The following TRDN variants were observed in gnomAD, a reference collection of about 807,000 sequenced individuals.
TRDN encodes the protein triadin in skeletal muscle.
Under a neutral mutation model 149.7 loss-of-function variants are expected in TRDN, and 161 were observed. The observed-to-expected ratio is 1.08, with a 90% CI of 0.95 to 1.23. The LOEUF (loss-of-function observed/expected upper bound fraction) is 1.23, where lower values mean the gene tolerates loss of function less well. Among genes scored for constraint, TRDN ranks in the 50% most tolerant of loss-of-function variants. TRDN has a pLI of 0.00. For missense variants in TRDN, 896 were observed against 823.5 expected (o/e 1.09, Z -1.08); for synonymous variants, 294 against 250.5 (o/e 1.17, Z -1.64).
intron 35 of TRDN, among the ~76,000 whole-genome samples, chr6:123,259,126 G>GTCTC (rs996360308): frequency 6.6e-6 from 1 of 151,652 alleles, no homozygotes; most frequent in Non-Finnish European, 1.5e-5. Flanking sequence ...GTTTTTTTGT[G>GTCTC]TCTCTCACTC....
intron 24 of TRDN, among the ~76,000 whole-genome samples, chr6:123,289,836 G>C (rs1368404628): frequency 6.6e-6 from 1 of 152,056 alleles, no homozygotes; most frequent in Non-Finnish European, 1.5e-5. Flanking sequence ...ATCAACTTGG[G>C]GGCCCCAGAG....
intron 10 of TRDN, among the ~76,000 whole-genome samples, chr6:123,449,503 A>T (rs1486879454): frequency 6.6e-6 from 1 of 152,180 alleles, no homozygotes; most frequent in Admixed American, 6.5e-5. Context: ...GAATTAACCC[A>T]ATCCAATAAA....
intron 21 of TRDN, among the ~76,000 whole-genome samples, chr6:123,348,098 T>G (rs1340819398): frequency 6.6e-6 from 1 of 152,054 alleles, no homozygotes; most frequent in African/African-American, 2.4e-5. Context: ...AAAAATCAAG[T>G]GAAGTAAAAC....
intron 4 of TRDN, among the ~76,000 whole-genome samples, chr6:123,538,853 G>A (rs111921242): frequency 1.8e-4 from 28 of 151,930 alleles, no homozygotes; most frequent in African/African-American, 6.3e-4. Flanking sequence ...TTTTCTCTTC[G>A]AATTTTATTT....
intron 34 of TRDN, among the ~76,000 whole-genome samples, chr6:123,259,876 C>T (rs1377947187): frequency 6.6e-6 from 1 of 151,732 alleles, no homozygotes; most frequent in Non-Finnish European, 1.5e-5. Context: ...CCTCCTCTTC[C>T]TCCTCTAAGT....
intron 24 of TRDN, among the ~76,000 whole-genome samples, chr6:123,284,904 T>A (rs527954250): frequency 6.6e-6 from 1 of 152,136 alleles, no homozygotes; most frequent in Non-Finnish European, 1.5e-5. Flanking sequence ...GAACTTGACC[T>A]CTTTTACAAT....
At chr6:123,288,262 A>C (rs1484499613) in intron 24 of TRDN, among the ~76,000 whole-genome samples, 1 of 152,120 alleles carries the variant, frequency 6.6e-6, no homozygotes, top group African/African-American at 2.4e-5. Context: ...AGAAGACTTA[A>C]TATAAGACCT....
intron 2 of TRDN, among the ~76,000 whole-genome samples, chr6:123,566,747 T>A (rs12527986): frequency 0.021 from 3,198 of 152,316 alleles, 42 homozygotes; most frequent in East Asian, 0.055. Context: ...AAAGTTTGAA[T>A]TGTGTCTATC....
At chr6:123,394,500 T>C (rs1362456425) in intron 12 of TRDN, among the ~76,000 whole-genome samples, 1 of 152,142 alleles carries the variant, frequency 6.6e-6, no homozygotes, top group African/African-American at 2.4e-5. Context: ...GTTTTAGATA[T>C]TCACTTTCAT....
At chr6:123,393,761 A>G in intron 12 of TRDN, 84 bp from the exon 13 acceptor site, 2 of 1,274,396 alleles carry the variant, frequency 1.6e-6, no homozygotes, top group Non-Finnish European at 2.2e-6. Context: ...GAGCACAAAC[A>G]CAAACGAGCA....
At chr6:123,482,587 T>C (rs1489455698) in intron 9 of TRDN, among the ~76,000 whole-genome samples, 6 of 152,218 alleles carry the variant, frequency 3.9e-5, no homozygotes, top group African/African-American at 1.4e-4. Context: ...TCATTATTAA[T>C]GTAAACATTG....
At chr6:123,455,217 T>C (rs1389100617) in intron 10 of TRDN, among the ~76,000 whole-genome samples, 1 of 152,132 alleles carries the variant, frequency 6.6e-6, no homozygotes, top group Admixed American at 6.6e-5. Flanking sequence ...ATTGCAAAAA[T>C]GTTTCTATGT....
In TRDN at chr6:123,352,645, A is replaced by T. The variant is rs867972419; in HGVS notation, c.1322-59T>A. ...CCAGACAGAAATACTGCTTCTGCTCAAAAAAAGCATTTTGGAGTTCTTTCA... is the reference window on the plus strand; with the variant it reads ...CCAGACAGAAATACTGCTTCTGCTCTAAAAAAGCATTTTGGAGTTCTTTCA... On this transcript the variant is annotated intron_variant, in intron 20 of 40. Coordinates refer to ENST00000334268, the MANE Select transcript of TRDN (RefSeq NM_006073.4). The T allele has an allele frequency of 3.1e-5, 48 of 1,548,240 alleles. No homozygotes were observed. The Middle Eastern group carries it at 3.8e-3, about 124-fold the overall frequency.
At chr6:123,549,621 T>C (rs746040009) in intron 2 of TRDN, among the ~76,000 whole-genome samples, 3 of 152,058 alleles carry the variant, frequency 2.0e-5, no homozygotes, top group Non-Finnish European at 4.4e-5. Flanking sequence ...ACATAGTAAG[T>C]CATTGGAAGA....
Position 123,279,055 on chromosome 6 carries a change from C to T in TRDN, c.1537+1G>A, listed in dbSNP as rs189125299. On this transcript the variant is annotated splice_donor_variant, in intron 25 of 40. Transcript: ENST00000334268. LOFTEE classifies it high-confidence loss of function. ...GTTTATTGAGCATGCATATAACATA[C>T]GTGGAGGTTTAGGCTTGACTTCTTT... 9.4e-5 allele frequency: 151 copies of T among 1,607,502 alleles called. 1 individual carries two copies. Among genetic ancestry groups the T allele is most frequent in the African/African-American group, 9.1e-4 (68 of 74,790 alleles).
At chr6:123,371,649 A>G (rs555711518) in intron 19 of TRDN, among the ~76,000 whole-genome samples, 1 of 152,236 alleles carries the variant, frequency 6.6e-6, no homozygotes, top group East Asian at 1.9e-4. Context: ...TACTTCTGTC[A>G]GTATTCATCA....
intron 38 of TRDN, among the ~76,000 whole-genome samples, chr6:123,239,258 C>T (rs1775901337): frequency 6.6e-6 from 1 of 152,016 alleles, no homozygotes; most frequent in Non-Finnish European, 1.5e-5. Context: ...TGAAATAGCA[C>T]CTGATATAAA....
chr6:123,458,699 T>G (rs1189474489), intron 10 of TRDN, among the ~76,000 whole-genome samples: 1 of 152,224 alleles, frequency 6.6e-6, no homozygotes, highest in Non-Finnish European at 1.5e-5. Context: ...GTGTTCTACA[T>G]TTCCTTTCTT....
intron 12 of TRDN, among the ~76,000 whole-genome samples, chr6:123,404,671 T>C (rs1480052859): frequency 6.6e-6 from 1 of 152,002 alleles, no homozygotes; most frequent in African/African-American, 2.4e-5. Flanking sequence ...TTTCGAACTC[T>C]TGACCTCAGG....
Sources: allele counts gnomAD v4.1 joint callset (sites outside exome capture counted in the v4.1 genomes callset), GRCh38; gene constraint gnomAD v4.1.1; transcripts MANE v1.5; gene names NCBI Gene and HGNC (gene_info 2026-07-23, HGNC 2026-07-21).